SEMA6D: variants seen among roughly 807,000 people sequenced by gnomAD.
SEMA6D encodes the protein semaphorin-6D.
In SEMA6D, 35 loss-of-function variants were observed where a neutral mutation model predicts 106.6. The observed-to-expected ratio is 0.33, with a 90% CI of 0.25 to 0.44. The LOEUF is 0.44. SEMA6D is among the 20% of genes least tolerant of loss of function. The probability of loss-of-function intolerance (pLI) is 1.00; values close to 1 mark genes in which losing one functional copy is unlikely to be tolerated. For synonymous variants in SEMA6D, 499 were observed against 487.7 expected (o/e 1.02, Z -0.31); for missense variants, 1,185 against 1,345.9 (o/e 0.88, Z 1.87).
At chr15:47,341,643 T>A (rs1259922256) in intron 1 of SEMA6D, among the ~76,000 whole-genome samples, 3 of 152,174 alleles carry the variant, frequency 2.0e-5, no homozygotes, top group East Asian at 1.9e-4. Flanking sequence ...GTACTTTTTT[T>A]AACTATAAAA....
intron 2 of SEMA6D, among the ~76,000 whole-genome samples, chr15:47,443,203 T>G (rs987155011): frequency 2.6e-5 from 4 of 152,164 alleles, no homozygotes; most frequent in African/African-American, 9.6e-5. Flanking sequence ...TCCTTATCCC[T>G]ACACACCTCT....
intron 1 of SEMA6D, among the ~76,000 whole-genome samples, chr15:47,265,023 C>T (rs2034253336): frequency 6.6e-6 from 1 of 151,868 alleles, no homozygotes; most frequent in Non-Finnish European, 1.5e-5. Flanking sequence ...CTAGAATCTT[C>T]TTGAGGATTT....
At chr15:47,220,012 C>T (rs1442061505) in intron 1 of SEMA6D, among the ~76,000 whole-genome samples, 2 of 152,188 alleles carry the variant, frequency 1.3e-5, no homozygotes, top group East Asian at 3.9e-4. Flanking sequence ...TTCATGGCAG[C>T]TGGGCAGTGT....
At chr15:47,647,804 T>C (rs2077610829) in intron 4 of SEMA6D, among the ~76,000 whole-genome samples, 1 of 151,860 alleles carries the variant, frequency 6.6e-6, no homozygotes, top group Non-Finnish European at 1.5e-5. Context: ...ATTCTACAGA[T>C]TGTAAGATAG....
intron 3 of SEMA6D, among the ~76,000 whole-genome samples, chr15:47,576,527 G>A (rs989823022): frequency 1.3e-5 from 2 of 152,184 alleles, no homozygotes; most frequent in African/African-American, 4.8e-5. Flanking sequence ...GAATGCCCTT[G>A]TCTGAGCCTA....
At chr15:47,381,151 G>A (rs1424983386) in intron 1 of SEMA6D, among the ~76,000 whole-genome samples, 8 of 152,224 alleles carry the variant, frequency 5.3e-5, no homozygotes, top group African/African-American at 1.7e-4. Flanking sequence ...CAACATTACT[G>A]CAGCAGAAAA....
At chr15:47,372,272 G>A (rs1052483063) in intron 1 of SEMA6D, among the ~76,000 whole-genome samples, 2 of 152,170 alleles carry the variant, frequency 1.3e-5, no homozygotes, top group Non-Finnish European at 2.9e-5. Flanking sequence ...AGGTCATTTG[G>A]TTGGCACCAC....
At chr15:47,473,567 T>G (rs2042915679) in intron 3 of SEMA6D, among the ~76,000 whole-genome samples, 1 of 152,174 alleles carries the variant, frequency 6.6e-6, no homozygotes, top group Non-Finnish European at 1.5e-5. Flanking sequence ...AGAGATTTGG[T>G]ACCAGCATTA....
At chr15:47,186,762 C>A (rs1204933015) in intron 1 of SEMA6D, among the ~76,000 whole-genome samples, 1 of 152,146 alleles carries the variant, frequency 6.6e-6, no homozygotes, top group East Asian at 1.9e-4. Context: ...ACTCATTTAA[C>A]CATCTTCCCA....
chr15:47,318,982 T>A (rs1029953591), intron 1 of SEMA6D, among the ~76,000 whole-genome samples: 1 of 152,234 alleles, frequency 6.6e-6, no homozygotes, highest in Admixed American at 6.5e-5. Context: ...AGATGGTATC[T>A]CATTGTGTCC....
chr15:47,432,688 A>T (rs1424381283), intron 2 of SEMA6D, among the ~76,000 whole-genome samples: 2 of 151,474 alleles, frequency 1.3e-5, no homozygotes, highest in African/African-American at 4.9e-5. Context: ...GAAGAAACAG[A>T]ACAGGCAACT....
intron 9 of SEMA6D, 106 bp from the exon 10 acceptor site, chr15:47,763,744 C>G: frequency 1.0e-6 from 1 of 970,336 alleles, no homozygotes; most frequent in Non-Finnish European, 1.6e-6. Flanking sequence ...TTTTTTGAAC[C>G]AGATGTATCT....
chr15:47,486,241 C>T (rs144777463), intron 3 of SEMA6D, among the ~76,000 whole-genome samples: 483 of 152,216 alleles, frequency 3.2e-3, no homozygotes, highest in African/African-American at 0.011. Context: ...ATTTTCCATC[C>T]GTGTACTGAG....
At chr15:47,235,449 T>C (rs887023606) in intron 1 of SEMA6D, among the ~76,000 whole-genome samples, 1 of 152,040 alleles carries the variant, frequency 6.6e-6, no homozygotes, top group Non-Finnish European at 1.5e-5. Flanking sequence ...TATTCTAAAA[T>C]GTTTATGCTT....
At chr15:47,194,065 G>A (rs1894162457) in intron 1 of SEMA6D, among the ~76,000 whole-genome samples, 2 of 143,512 alleles carry the variant, frequency 1.4e-5, no homozygotes, top group Admixed American at 1.4e-4. Flanking sequence ...GTGGGTAGGT[G>A]GATGGATGGA....
chr15:47,659,956 A>G (rs1334265478), intron 4 of SEMA6D, among the ~76,000 whole-genome samples: 2 of 152,104 alleles, frequency 1.3e-5, no homozygotes, highest in African/African-American at 4.8e-5. Flanking sequence ...GATACATATT[A>G]ACTTTGATCA....
chr15:47,706,456 A>T lies in SEMA6D; in HGVS notation c.-54-53289A>T, dbSNP rs141376566. 6.4e-3 allele frequency among the ~76,000 whole-genome samples: 973 copies of T among 152,326 alleles called. 16 individuals are homozygous for T. The highest frequency in any genetic ancestry group is 0.022 in the African/African-American group (924 of 41,568). ...TTAAGCATACATTCTATGACATTCT[A>T]TGTAAGTTGAAATGGTTTGCATGAA... On this transcript the variant is annotated intron_variant, in intron 4 of 19. Coordinates refer to the SEMA6D transcript ENST00000558014.
At chr15:47,598,191 A>T (rs2076575806) in intron 3 of SEMA6D, among the ~76,000 whole-genome samples, 1 of 152,188 alleles carries the variant, frequency 6.6e-6, no homozygotes, top group East Asian at 1.9e-4. Flanking sequence ...CCATTTATGC[A>T]AACTGTATGT....
intron 1 of SEMA6D, among the ~76,000 whole-genome samples, chr15:47,209,569 G>A (rs1376208331): frequency 6.6e-6 from 1 of 152,178 alleles, no homozygotes; most frequent in Admixed American, 6.5e-5. Context: ...CTGCTACGCT[G>A]TAACATATTC....
Sources: gnomAD v4.1 joint callset for allele counts (sites outside exome capture counted in the v4.1 genomes callset) on GRCh38, gnomAD v4.1.1 for gene constraint, MANE v1.5 for transcripts, NCBI Gene and HGNC (gene_info 2026-07-23, HGNC 2026-07-21) for gene names.